The following TMEM176A variants were observed in gnomAD, a reference collection of about 807,000 sequenced individuals.
TMEM176A encodes hepatocellular carcinoma-associated antigen 112.
Under a neutral mutation model 27.9 loss-of-function variants are expected in TMEM176A, and 20 were observed. The ratio of observed to expected loss-of-function variants is 0.72; its 90% CI spans 0.50 to 1.04. The LOEUF (loss-of-function observed/expected upper bound fraction) is 1.04. Among genes scored for constraint, TMEM176A ranks in the 50% least tolerant of loss-of-function variants. The pLI is 0.00. For missense variants in TMEM176A, 252 were observed against 289.1 expected (o/e 0.87, Z 0.93); for synonymous variants, 125 against 118.0 (o/e 1.06, Z -0.38).
At chr7:150,803,507 C>A in intron 4 of TMEM176A, 51 bp downstream of exon 4, 1 of 1,574,180 alleles carries the variant, frequency 6.4e-7, no homozygotes, top group South Asian at 1.2e-5. Flanking sequence ...CTGGAGGTCA[C>A]CCCAATCTCC....
intron 2 of TMEM176A, 119 bp from the exon 3 acceptor site, chr7:150,802,096 C>T: frequency 1.4e-6 from 1 of 729,880 alleles, no homozygotes. Flanking sequence ...CTTCTCTTCT[C>T]TTCTCTTCTT....
intron 3 of TMEM176A, chr7:150,802,665 T>G: frequency 9.5e-7 from 1 of 1,050,300 alleles, no homozygotes; most frequent in Admixed American, 4.6e-5. Context: ...AGATAGTATG[T>G]GGTCCCCCAG....
intron 4 of TMEM176A, 62 bp from the exon 5 acceptor site, chr7:150,803,558 C>T (rs1178184925): frequency 6.3e-7 from 1 of 1,590,566 alleles, no homozygotes; most frequent in Non-Finnish European, 8.6e-7. Flanking sequence ...CCTTTTTTCC[C>T]CCGACTGGAC....
At chr7:150,801,381 T>G (rs1798778868) in intron 1 of TMEM176A, 155 bp from the exon 2 acceptor site, 7 of 678,052 alleles carry the variant, frequency 1.0e-5, no homozygotes, top group Non-Finnish European at 1.7e-5. Context: ...CTACACACAT[T>G]CCCCTCGTGA....
intron 3 of TMEM176A, 159 bp from the exon 4 acceptor site, chr7:150,803,241 T>C: frequency 7.3e-7 from 1 of 1,371,026 alleles, no homozygotes; most frequent in Non-Finnish European, 9.4e-7. Context: ...GGATCCAGGC[T>C]CCACCCTCTC....
intron 3 of TMEM176A, chr7:150,803,046 T>G: frequency 9.8e-7 from 1 of 1,024,990 alleles, no homozygotes; most frequent in African/African-American, 1.7e-5. Flanking sequence ...AGACTCACCC[T>G]TCATTGAGAT....
At chr7:150,804,506 G>A (rs1207087877) in intron 6 of TMEM176A, 34 bp downstream of exon 6, 1 of 1,570,224 alleles carries the variant, frequency 6.4e-7, no homozygotes, top group Non-Finnish European at 8.8e-7. Flanking sequence ...GTGTATTTGG[G>A]GCAGTGGAAC....
Position 150,802,319 on chromosome 7 carries a change from G to A in TMEM176A, c.279G>A (p.Gly93=), listed in dbSNP as rs1584758932. The A allele has an allele frequency of 1.2e-6, 2 of 1,614,084 alleles. No homozygotes were observed. Among genetic ancestry groups the A allele is most frequent in the East Asian group, 2.2e-5 (1 of 44,874 alleles). ...CCTCGGGAGCTGCCATCTGGACAGG[G>A]GCTGTGGTGAGTAGAGCAGGACAGT... ...LVTSGAAIWT[G]AVAVLAGAAA... The change falls in exon 3 of 7, where the codon GGG becomes GGA. Residue 93 remains glycine (G), a synonymous_variant. Transcript: ENST00000004103.
rs150662833 is a variant in TMEM176A, at chr7:150,801,672, G to A, written c.122G>A (p.Arg41Gln). ...KLLLTCCSAL[R>Q]PRATQARGSS... ...CTGCTCACCTGCTGCTCTGCGCTGCGGCCCCGGGCCACCCAGGCCAGGGGC... is the reference window on the plus strand; with the variant it reads ...CTGCTCACCTGCTGCTCTGCGCTGCAGCCCCGGGCCACCCAGGCCAGGGGC... The change falls in exon 2 of 7, where the codon CGG (arginine) becomes CAG (glutamine). Residue 41 changes from arginine (R) to glutamine (Q), a missense_variant. Physicochemically the swap from Arg to Gln is conservative, Grantham distance 43 (BLOSUM62 1). Coordinates refer to ENST00000004103, the MANE Select transcript of TMEM176A (RefSeq NM_018487.3). 3.0e-5 allele frequency: 49 copies of A among 1,607,030 alleles called. No individual in the cohort carries two copies. Among genetic ancestry groups the A allele is most frequent in the African/African-American group, 2.3e-4 (17 of 74,882 alleles).
Position 150,803,446 on chromosome 7 carries a change from G to A in TMEM176A, c.332G>A (p.Gly111Asp), listed in dbSNP as rs35972858. Reference protein sequence around the residue: ...AAAFIYEKRGGTYWALLRTLL... With the variant: ...AAAFIYEKRGDTYWALLRTLL... The stretch of plus-strand genomic sequence containing the variant: ...GCCTTCATTTACGAGAAACGGGGTG[G>A]TACATACTGGGTAAGTTCAGGGAAG... The change falls in exon 4 of 7, where the codon GGT becomes GAT. Residue 111 changes from glycine to aspartate, a missense_variant. Transcript: ENST00000004103. 7.4e-3 allele frequency: 11,761 copies of A among 1,596,466 alleles called. 557 individuals are homozygous for A. In the African/African-American group the frequency reaches 0.11, roughly 15 times the overall value.
rs371258480 is a variant in TMEM176A, at chr7:150,804,493, C to T, written c.666+21C>T. ...AAGGGGTGAGTCCCTAAGGTGTGTG[C>T]CTGTGTATTTGGGGCAGTGGAACTG... is the stretch of plus-strand genomic sequence containing the variant. On this transcript the variant is annotated intron_variant, in intron 6 of 6. Coordinates refer to ENST00000004103, the MANE Select transcript of TMEM176A (RefSeq NM_018487.3). The T allele has an allele frequency of 9.4e-6, 15 of 1,594,138 alleles. No individual in the cohort carries two copies. In the African/African-American group the frequency reaches 1.7e-4, roughly 19 times the overall value.
intron 1 of TMEM176A, chr7:150,801,182 C>A: frequency 4.7e-6 from 1 of 211,878 alleles, no homozygotes; most frequent in Non-Finnish European, 8.6e-6. Context: ...AGCCTGCGGA[C>A]TGTGGAGGGG....
At chr7:150,801,752 C>G (rs777752631) in intron 2 of TMEM176A, 28 bp downstream of exon 2, 16 of 1,468,438 alleles carry the variant, frequency 1.1e-5, no homozygotes, top group Non-Finnish European at 1.3e-5. Flanking sequence ...CCTCGTCGGG[C>G]GGCGGGAGGA....
chr7:150,804,988 C>T lies in TMEM176A; in HGVS notation c.*120C>T, dbSNP rs905442426. On this transcript the variant is annotated 3_prime_UTR_variant, in exon 7 of 7. Transcript: ENST00000004103. ...TCTTCAACAGCCCCAGTTATCCTGG[C>T]CCCATGACCGTGGCCACAGCCCTGC... The T allele has an allele frequency of 3.7e-6, 4 of 1,080,510 alleles. No individual in the cohort carries two copies. The highest frequency in any genetic ancestry group is 1.5e-5 in the African/African-American group (1 of 64,558). The allele number at this position is 1,080,510 out of a possible 1,614,324, so 66.9% of individuals were successfully genotyped here.
chr7:150,802,367 T>C (rs1798828809), intron 3 of TMEM176A, 42 bp downstream of exon 3: 1 of 1,558,874 alleles, frequency 6.4e-7, no homozygotes, highest in Non-Finnish European at 8.8e-7. Flanking sequence ...GTGAGAGGGG[T>C]GGGGCATTGC....
intron 2 of TMEM176A, 180 bp downstream of exon 2, chr7:150,801,904 G>A: frequency 1.4e-6 from 1 of 694,770 alleles, no homozygotes; most frequent in Non-Finnish European, 2.4e-6. Flanking sequence ...CTGGGCTGAA[G>A]GGGTGTGGAG....
Position 150,804,395 on chromosome 7 carries a change from G to T in TMEM176A, c.589G>T (p.Gly197Cys). The change falls in exon 6 of 7, where the codon GGT becomes TGT. Residue 197 changes from glycine (G) to cysteine (C), a missense_variant. Physicochemically the swap from Gly to Cys is radical, Grantham distance 159 (BLOSUM62 -3). Coordinates refer to ENST00000004103, the MANE Select transcript of TMEM176A (RefSeq NM_018487.3). ...CAGAACCCTTCAGGCCATGCTCTTG[G>T]GTGTCTGGATTCTGCTGCTTCTGGC... is the stretch of plus-strand genomic sequence containing the variant. ...LFRTLQAMLLGVWILLLLASL... is the reference protein window; with the variant it reads ...LFRTLQAMLLCVWILLLLASL... 1 of 1,614,166 alleles carries T rather than the reference G, an allele frequency of 6.2e-7. No individual in the cohort carries two copies.
chr7:150,803,803 C>T lies in TMEM176A; in HGVS notation c.526C>T (p.Leu176=). ...TCCAGAAGAAGTCAGAAGGCTACAC[C>T]TATGTACCTCCTTCATGGACATGCT... ...QSPEEVRRLH[L]CTSFMDMLKA... Residue 176 remains leucine, a synonymous_variant, in exon 5 of 7, where the codon CTA becomes TTA. Transcript: ENST00000004103. The T allele has an allele frequency of 6.2e-7, 1 of 1,614,134 alleles. No homozygotes were observed. Among genetic ancestry groups the T allele is most frequent in the East Asian group, 2.2e-5 (1 of 44,884 alleles).
chr7:150,801,134 G>C, intron 1 of TMEM176A: 2 of 295,368 alleles, frequency 6.8e-6, no homozygotes, highest in Non-Finnish European at 1.0e-5. Context: ...GCTGGCACAG[G>C]AGCTCCACAG....
Sources: allele counts gnomAD v4.1 joint callset, GRCh38; gene constraint gnomAD v4.1.1; transcripts MANE v1.5; gene names NCBI Gene and HGNC (gene_info 2026-07-23, HGNC 2026-07-21).